CSMD1: variants seen among roughly 807,000 people sequenced by gnomAD.
The protein encoded by CSMD1 is CUB and sushi domain-containing protein 1.
In CSMD1, 213 loss-of-function variants were observed where a neutral mutation model predicts 417.5. The observed-to-expected ratio is 0.51, with a 90% CI of 0.46 to 0.57. The LOEUF (loss-of-function observed/expected upper bound fraction) is 0.57, where lower values mean the gene tolerates loss of function less well. Among genes scored for constraint, CSMD1 ranks in the 20% least tolerant of loss-of-function variants. The pLI, the probability that CSMD1 is intolerant of heterozygous loss-of-function variation, is 0.00. For missense variants in CSMD1, 6,923 were observed against 4,529.7 expected, an observed-to-expected ratio of 1.53 and a Z score of -15.17; for synonymous variants, 2,862 against 1,736.8, an observed-to-expected ratio of 1.65 and a Z score of -16.11.
intron 3 of CSMD1, among the ~76,000 whole-genome samples, chr8:4,208,333 C>T (rs1800103889): frequency 6.6e-6 from 1 of 152,032 alleles, no homozygotes; most frequent in Non-Finnish European, 1.5e-5. Context: ...CAAATCAGGT[C>T]TTATTTGAAT....
At chr8:3,489,723 G>A (rs11787243) in intron 11 of CSMD1, among the ~76,000 whole-genome samples, 50,260 of 151,862 alleles carry the variant, frequency 0.33, 8,663 homozygotes, top group Middle Eastern at 0.43. Flanking sequence ...AGAAGTCATT[G>A]CCAGAAATAA....
chr8:4,369,576 G>C (rs1802283917), intron 3 of CSMD1, among the ~76,000 whole-genome samples: 1 of 151,200 alleles, frequency 6.6e-6, no homozygotes, highest in South Asian at 2.1e-4. Context: ...GGTTGTCTAA[G>C]TCTGTCTGTA....
rs1229224233 is a variant in CSMD1, at chr8:3,187,933, G to T, written c.5556C>A (p.Asn1852Lys). 2.5e-6 allele frequency: 4 copies of T among 1,613,164 alleles called. No individual in the cohort carries two copies. Among genetic ancestry groups the T allele is most frequent in the Non-Finnish European group, 2.5e-6 (3 of 1,179,726 alleles). Residue 1852 changes from asparagine to lysine, a missense_variant, in exon 36 of 70, where the codon AAC becomes AAA. Asn to Lys is a moderately conservative substitution (Grantham distance 94). Transcript: ENST00000635120. ...IQVISFATEQNWDSLEIHDGG... is the reference protein window; with the variant it reads ...IQVISFATEQKWDSLEIHDGG... The stretch of plus-strand genomic sequence containing the variant: ...CATCGTGGATCTCAAGGGAGTCCCA[G>T]TTCTGCTCCGTGGCAAAACTGATCA...
chr8:4,107,712 T>G (rs572252592), intron 3 of CSMD1, among the ~76,000 whole-genome samples: 1 of 152,166 alleles, frequency 6.6e-6, no homozygotes, highest in East Asian at 1.9e-4. Context: ...GCGCACACGC[T>G]CCATCAGATG....
chr8:3,556,685 G>C (rs186939055), intron 10 of CSMD1, among the ~76,000 whole-genome samples: 62 of 151,980 alleles, frequency 4.1e-4, no homozygotes, highest in African/African-American at 1.5e-3. Flanking sequence ...TCTCTCTACT[G>C]TAAGCACCTT....
At chr8:4,321,904 T>C (rs557467817) in intron 3 of CSMD1, among the ~76,000 whole-genome samples, 1 of 152,250 alleles carries the variant, frequency 6.6e-6, no homozygotes, top group Non-Finnish European at 1.5e-5. Context: ...TTATTAGACT[T>C]TTGCCTTTTA....
chr8:3,578,923 G>A (rs112003743), intron 9 of CSMD1, among the ~76,000 whole-genome samples: 92 of 152,344 alleles, frequency 6.0e-4, no homozygotes, highest in African/African-American at 1.7e-3. Context: ...AGTTGCCATC[G>A]TGGATATCTG....
chr8:3,461,279 G>C (rs1816483720), intron 12 of CSMD1, among the ~76,000 whole-genome samples: 2 of 152,206 alleles, frequency 1.3e-5, no homozygotes, highest in African/African-American at 2.4e-5. Context: ...TGCAAGTCCA[G>C]AAGGCTTTTG....
chr8:4,853,594 A>G (rs1223727978), intron 1 of CSMD1, among the ~76,000 whole-genome samples: 1 of 152,240 alleles, frequency 6.6e-6, no homozygotes, highest in Non-Finnish European at 1.5e-5. Flanking sequence ...CAGATATTTG[A>G]ATAGGGCAGT....
chr8:4,112,240 T>G (rs576993899), intron 3 of CSMD1, among the ~76,000 whole-genome samples: 65 of 152,242 alleles, frequency 4.3e-4, no homozygotes, highest in African/African-American at 1.4e-3. Flanking sequence ...GCTCACCTCC[T>G]GAGGTTCTTA....
intron 3 of CSMD1, among the ~76,000 whole-genome samples, chr8:4,303,420 C>CTTTTTTTTTTTTT (rs1563419612): frequency 4.3e-5 from 4 of 92,330 alleles, no homozygotes; most frequent in Admixed American, 1.2e-4. Context: ...GGGCAGGAAG[C>CTTTTTTTTTTTTT]TGTTTTTTTT....
At chr8:3,401,701 G>T (rs1054103549) in intron 15 of CSMD1, among the ~76,000 whole-genome samples, 7 of 151,994 alleles carry the variant, frequency 4.6e-5, no homozygotes, top group African/African-American at 1.5e-4. Context: ...TATGGCAGGT[G>T]GAAAAAGGTC....
chr8:4,970,025 A>T (rs961593152), intron 1 of CSMD1, among the ~76,000 whole-genome samples: 4 of 152,158 alleles, frequency 2.6e-5, no homozygotes, highest in African/African-American at 9.7e-5. Flanking sequence ...ATACCTAAAA[A>T]TTGAAATGCA....
chr8:4,287,121 T>C (rs1357149152), intron 3 of CSMD1, among the ~76,000 whole-genome samples: 1 of 152,214 alleles, frequency 6.6e-6, no homozygotes, highest in Non-Finnish European at 1.5e-5. Flanking sequence ...ACAAGGGTTC[T>C]TCAACACCTA....
At chr8:4,550,860 T>A (rs1313739242) in intron 2 of CSMD1, among the ~76,000 whole-genome samples, 1 of 152,174 alleles carries the variant, frequency 6.6e-6, no homozygotes, top group Non-Finnish European at 1.5e-5. Flanking sequence ...TTGCTCTCCT[T>A]GAAATACTTT....
At chr8:3,862,968 T>G (rs77498596) in intron 5 of CSMD1, among the ~76,000 whole-genome samples, 5,755 of 152,212 alleles carry the variant, frequency 0.038, 110 homozygotes, top group Middle Eastern at 0.068. Flanking sequence ...AATTCTGGAG[T>G]CTGGAGATTC....
intron 5 of CSMD1, among the ~76,000 whole-genome samples, chr8:3,981,826 G>C (rs1019996051): frequency 2.0e-5 from 3 of 152,172 alleles, no homozygotes; most frequent in Non-Finnish European, 4.4e-5. Context: ...TTTTCAGTGA[G>C]TCAGCAGGAG....
intron 2 of CSMD1, among the ~76,000 whole-genome samples, chr8:4,461,945 G>C (rs1045322162): frequency 6.6e-5 from 10 of 151,944 alleles, no homozygotes; most frequent in South Asian, 2.1e-4. Context: ...GTTTCATCAT[G>C]TTAGCCAGGA....
intron 1 of CSMD1, among the ~76,000 whole-genome samples, chr8:4,743,896 A>T (rs1810783842): frequency 6.6e-6 from 1 of 152,144 alleles, no homozygotes; most frequent in South Asian, 2.1e-4. Flanking sequence ...CCCTATATCC[A>T]GCCAAGCCGA....
Sources: allele counts gnomAD v4.1 joint callset (sites outside exome capture counted in the v4.1 genomes callset), GRCh38; gene constraint gnomAD v4.1.1; transcripts MANE v1.5; gene names NCBI Gene and HGNC (gene_info 2026-07-23, HGNC 2026-07-21).